RANBP17: variants seen among roughly 807,000 people sequenced by gnomAD.
The protein encoded by RANBP17 is ran-binding protein 17.
Under a neutral mutation model 141.2 loss-of-function variants are expected in RANBP17, and 158 were observed. The ratio of observed to expected loss-of-function variants is 1.12; its 90% confidence interval spans 0.98 to 1.28. The LOEUF is 1.28. Among genes scored for constraint, RANBP17 ranks in the 50% most tolerant of loss-of-function variants. The pLI is 0.00. For missense variants in RANBP17, 1,438 were observed against 1,290.7 expected, an observed-to-expected ratio of 1.11 and a Z score of -1.75; for synonymous variants, 430 against 450.0, an observed-to-expected ratio of 0.96 and a Z score of 0.56.
At chr5:171,012,477 A>G (rs1780125550) in intron 14 of RANBP17, among the ~76,000 whole-genome samples, 1 of 152,166 alleles carries the variant, frequency 6.6e-6, no homozygotes, top group Non-Finnish European at 1.5e-5. Flanking sequence ...TATATATTAT[A>G]GTTATTGTAC....
intron 14 of RANBP17, among the ~76,000 whole-genome samples, chr5:171,004,134 A>T (rs541498158): frequency 6.6e-6 from 1 of 152,076 alleles, no homozygotes; most frequent in Non-Finnish European, 1.5e-5. Context: ...GTGGGATGGG[A>T]TACTGGCATT....
intron 5 of RANBP17, among the ~76,000 whole-genome samples, chr5:170,898,297 T>A (rs976612485): frequency 2.6e-5 from 4 of 152,254 alleles, no homozygotes; most frequent in Non-Finnish European, 5.9e-5. Flanking sequence ...ATGAGCTTTT[T>A]TTCATACGGT....
chr5:170,905,466 C>A (rs1771002975), intron 5 of RANBP17, among the ~76,000 whole-genome samples: 1 of 152,024 alleles, frequency 6.6e-6, no homozygotes, highest in African/African-American at 2.4e-5. Flanking sequence ...ACAAAAGAAC[C>A]ATTTTCTACT....
At chr5:171,260,360 C>T (rs1464490394) in intron 24 of RANBP17, among the ~76,000 whole-genome samples, 1 of 146,572 alleles carries the variant, frequency 6.8e-6, no homozygotes, top group African/African-American at 2.5e-5. Context: ...GTGGCGGCTA[C>T]TCAGGAGGCT....
chr5:171,289,487 C>CA (rs1194009979), intron 25 of RANBP17, among the ~76,000 whole-genome samples: 1 of 152,186 alleles, frequency 6.6e-6, no homozygotes, highest in African/African-American at 2.4e-5. Context: ...GGCTCACTCC[C>CA]AGCACTTCGG....
intron 14 of RANBP17, among the ~76,000 whole-genome samples, chr5:171,152,542 T>A (rs1375721547): frequency 1.3e-5 from 2 of 152,008 alleles, no homozygotes; most frequent in Admixed American, 6.6e-5. Flanking sequence ...CACTTAGAAA[T>A]CTCCCTGTTG....
chr5:171,237,358 C>G (rs1764606818), intron 22 of RANBP17, among the ~76,000 whole-genome samples: 2 of 152,180 alleles, frequency 1.3e-5, no homozygotes, highest in Non-Finnish European at 2.9e-5. Context: ...TGTTTTCCCT[C>G]ATTATTTAAT....
intron 14 of RANBP17, among the ~76,000 whole-genome samples, chr5:171,032,571 T>G (rs1484916332): frequency 6.6e-6 from 1 of 152,092 alleles, no homozygotes; most frequent in Non-Finnish European, 1.5e-5. Flanking sequence ...CCCCTGTATA[T>G]CTGTATAGTG....
intron 20 of RANBP17, chr5:171,206,154 A>C (rs200361946): frequency 2.9e-5 from 5 of 170,510 alleles, no homozygotes; most frequent in African/African-American, 1.2e-4. Context: ...AAAAAAAAAA[A>C]AACCCCCCAC....
chr5:171,293,215 C>G (rs1768610543), intron 25 of RANBP17, among the ~76,000 whole-genome samples: 1 of 152,220 alleles, frequency 6.6e-6, no homozygotes, highest in South Asian at 2.1e-4. Context: ...CCTAAGTAGT[C>G]TCCCCCAGGA....
intron 18 of RANBP17, among the ~76,000 whole-genome samples, chr5:171,194,646 T>C (rs1761857156): frequency 6.6e-6 from 1 of 152,262 alleles, no homozygotes; most frequent in African/African-American, 2.4e-5. Flanking sequence ...TTGGTTATTA[T>C]GAAATAATAC....
intron 5 of RANBP17, chr5:170,897,253 C>G: frequency 1.6e-6 from 1 of 643,944 alleles, no homozygotes; most frequent in Non-Finnish European, 3.0e-6. Flanking sequence ...TAGAGAAACT[C>G]AGAAAGTTGG....
intron 25 of RANBP17, among the ~76,000 whole-genome samples, chr5:171,277,565 GAAAA>G (rs532053667): frequency 8.0e-6 from 1 of 124,430 alleles, no homozygotes; most frequent in Non-Finnish European, 1.7e-5. Flanking sequence ...TGATTATGAT[GAAAA>G]AAAAAACCAC....
At chr5:171,064,616 C>T (rs1198450741) in intron 14 of RANBP17, among the ~76,000 whole-genome samples, 1 of 152,176 alleles carries the variant, frequency 6.6e-6, no homozygotes, top group Non-Finnish European at 1.5e-5. Context: ...CCCACTTTAG[C>T]CTTCCAAGGA....
At chr5:171,052,603 T>G (rs572236528) in intron 14 of RANBP17, among the ~76,000 whole-genome samples, 1 of 152,222 alleles carries the variant, frequency 6.6e-6, no homozygotes, top group Non-Finnish European at 1.5e-5. Flanking sequence ...TACGCTATTA[T>G]CACACGGTTT....
intron 14 of RANBP17, among the ~76,000 whole-genome samples, chr5:171,021,892 C>T (rs1317546872): frequency 6.6e-6 from 1 of 152,208 alleles, no homozygotes; most frequent in Non-Finnish European, 1.5e-5. Flanking sequence ...GATTCTGTCT[C>T]ATCTTCGTGA....
chr5:171,005,848 G>A (rs1160358567), intron 14 of RANBP17, among the ~76,000 whole-genome samples: 2 of 152,088 alleles, frequency 1.3e-5, no homozygotes, highest in Non-Finnish European at 2.9e-5. Context: ...CTACTCATCT[G>A]ACAAAGGGCT....
At chr5:171,254,826 G>T (rs1488974293) in intron 24 of RANBP17, among the ~76,000 whole-genome samples, 1 of 152,054 alleles carries the variant, frequency 6.6e-6, no homozygotes. Flanking sequence ...AAAAAAATCT[G>T]TCATTTTCTA....
At position 170,878,215 on chromosome 5, in the gene RANBP17, A is replaced by G; in HGVS notation, c.137A>G (p.Lys46Arg). ...ELIDSPECLS[K>R]CQLLLEQGTT... ...ATTGACAGTCCAGAATGTCTCAGCAAGTGTCAACTTTTATTAGAACAAGGA... is the reference window on the plus strand; with the variant it reads ...ATTGACAGTCCAGAATGTCTCAGCAGGTGTCAACTTTTATTAGAACAAGGA... The change falls in exon 2 of 28, where the codon AAG (lysine) becomes AGG (arginine). Residue 46 changes from lysine (K) to arginine (R), a missense_variant. Coordinates refer to ENST00000523189, the MANE Select transcript of RANBP17 (RefSeq NM_022897.5). 3.1e-6 allele frequency: 5 copies of G among 1,610,102 alleles called. No individual in the cohort carries two copies. Among genetic ancestry groups the G allele is most frequent in the Non-Finnish European group, 4.2e-6 (5 of 1,178,564 alleles).
Sources: allele counts gnomAD v4.1 joint callset (sites outside exome capture counted in the v4.1 genomes callset), GRCh38; gene constraint gnomAD v4.1.1; transcripts MANE v1.5; gene names NCBI Gene and HGNC (gene_info 2026-07-23, HGNC 2026-07-21).